The following SORBS2 variants were observed in gnomAD, a reference collection of about 807,000 sequenced individuals.
SORBS2 encodes the protein sorbin and SH3 domain containing 2.
Under a neutral mutation model 97.7 loss-of-function variants are expected in SORBS2, and 46 were observed. The observed-to-expected ratio is 0.47, with a 90% CI of 0.37 to 0.60. The LOEUF (loss-of-function observed/expected upper bound fraction) is 0.60, where lower values mean the gene tolerates loss of function less well. Among genes scored for constraint, SORBS2 ranks in the 20% least tolerant of loss-of-function variants. SORBS2 has a pLI of 0.00. For missense variants in SORBS2, 1,316 were observed against 1,282.3 expected, an observed-to-expected ratio of 1.03 and a Z score of -0.40; for synonymous variants, 476 against 473.4, an observed-to-expected ratio of 1.01 and a Z score of -0.07.
At chr4:185,653,132 C>G (rs1177613839) in intron 1 of SORBS2, among the ~76,000 whole-genome samples, 1 of 152,172 alleles carries the variant, frequency 6.6e-6, no homozygotes, top group Non-Finnish European at 1.5e-5. Context: ...TTCTGTAAGA[C>G]AGTGTTTTCA....
chr4:185,740,949 C>T (rs763608659), intron 2 of SORBS2, among the ~76,000 whole-genome samples: 1 of 151,776 alleles, frequency 6.6e-6, no homozygotes, highest in East Asian at 1.9e-4. Context: ...ACAAACTCAG[C>T]CCAGCACCAA....
chr4:185,603,623 G>C (rs1054790678), intron 12 of SORBS2, among the ~76,000 whole-genome samples: 1 of 152,134 alleles, frequency 6.6e-6, no homozygotes, highest in Admixed American at 6.5e-5. Flanking sequence ...GAATGTGAGG[G>C]TGAGCTATTG....
At chr4:185,848,228 T>C (rs1219245878) in intron 1 of SORBS2, among the ~76,000 whole-genome samples, 1 of 152,164 alleles carries the variant, frequency 6.6e-6, no homozygotes, top group Non-Finnish European at 1.5e-5. Flanking sequence ...GTGGTCCCCA[T>C]GATGATTCTG....
At chr4:185,746,118 A>G (rs72703804) in intron 2 of SORBS2, among the ~76,000 whole-genome samples, 2,204 of 152,274 alleles carry the variant, frequency 0.014, 29 homozygotes, top group Non-Finnish European at 0.024. Flanking sequence ...ACAGGAGACA[A>G]TGTTTTCTCT....
At chr4:185,953,350 T>C (rs1202852454) in intron 1 of SORBS2, among the ~76,000 whole-genome samples, 1 of 152,148 alleles carries the variant, frequency 6.6e-6, no homozygotes, top group Non-Finnish European at 1.5e-5. Context: ...ATAATATGTT[T>C]CCCAGACTCC....
intron 4 of SORBS2, 57 bp downstream of exon 15, chr4:185,638,022 T>C (rs2097052887): frequency 9.4e-7 from 1 of 1,064,218 alleles, no homozygotes. Context: ...AATTGTATTT[T>C]AGAAATCAAA....
At chr4:185,767,322 A>G (rs1243447302) in intron 2 of SORBS2, among the ~76,000 whole-genome samples, 3 of 145,268 alleles carry the variant, frequency 2.1e-5, no homozygotes, top group Non-Finnish European at 4.6e-5. Context: ...CACACGGTGA[A>G]ACCCCGTCTC....
chr4:185,674,114 G>A (rs890171321), intron 4 of SORBS2, among the ~76,000 whole-genome samples: 1 of 152,092 alleles, frequency 6.6e-6, no homozygotes, highest in African/African-American at 2.4e-5. Flanking sequence ...CCTCCAACCA[G>A]GACCTTTCCC....
At chr4:185,729,954 CT>C (rs1156461696) in intron 2 of SORBS2, among the ~76,000 whole-genome samples, 5 of 151,808 alleles carry the variant, frequency 3.3e-5, no homozygotes, top group African/African-American at 1.2e-4. Flanking sequence ...TTTACATTTT[CT>C]TTTTTCTTTT....
chr4:185,935,933 C>A (rs2099268722), intron 1 of SORBS2, among the ~76,000 whole-genome samples: 1 of 152,180 alleles, frequency 6.6e-6, no homozygotes, highest in Admixed American at 6.5e-5. Flanking sequence ...CTCACTGCAG[C>A]CTCTTTCTCC....
At chr4:185,768,450 G>A (rs1390448584) in intron 2 of SORBS2, among the ~76,000 whole-genome samples, 1 of 152,062 alleles carries the variant, frequency 6.6e-6, no homozygotes, top group Non-Finnish European at 1.5e-5. Flanking sequence ...CCAGCATCTT[G>A]GAAGGCCGAG....
At chr4:185,826,112 G>A (rs550468052) in intron 1 of SORBS2, among the ~76,000 whole-genome samples, 56 of 152,232 alleles carry the variant, frequency 3.7e-4, no homozygotes, top group African/African-American at 1.3e-3. Flanking sequence ...TTTAATCAGC[G>A]ACACCTCATG....
At chr4:185,638,935 G>T in intron 4 of SORBS2, 1 of 1,510,462 alleles carries the variant, frequency 6.6e-7, no homozygotes. Context: ...ACTCCGGGGC[G>T]GAGGGGAGGG....
intron 2 of SORBS2, chr4:185,771,470 A>AATC (rs968010187): frequency 2.6e-5 from 4 of 152,308 alleles, no homozygotes; most frequent in African/African-American, 9.6e-5. Context: ...GGGGCTATCA[A>AATC]ATCACATATG....
chr4:185,615,124 A>T, exon 10 of SORBS2: 1 of 1,613,292 alleles, frequency 6.2e-7, no homozygotes, highest in African/African-American at 1.3e-5. Flanking sequence ...TTTCCTGAGG[A>T]TGTAGACAGT....
At chr4:185,744,879 T>C (rs966291827) in intron 2 of SORBS2, among the ~76,000 whole-genome samples, 1 of 152,210 alleles carries the variant, frequency 6.6e-6, no homozygotes, top group Admixed American at 6.5e-5. Flanking sequence ...GAAGACCCTC[T>C]GGCAAAGGCA....
rs2099153884 is a variant in SORBS2 at position 185,806,434 on chromosome 4, C to CTGTTTTTTTTTT, written c.-337-31069_-337-31068insAAAAAAAAAACA. On this transcript the variant is annotated intron_variant, in intron 1 of 20. Transcript: ENST00000284776. ...AGTGGCACAGCTCTTGGCTAGAATC[C>CTGTTTTTTTTTT]TATTTTTTTTTTTTTTTTTTTTTTT... Among the ~76,000 whole-genome samples, 58 of 108,148 alleles carry CTGTTTTTTTTTT rather than the reference C, an allele frequency of 5.4e-4. 26 individuals are homozygous for CTGTTTTTTTTTT. The highest frequency in any genetic ancestry group is 1.6e-3 in the African/African-American group (45 of 27,294). 70.9% of individuals were successfully genotyped at this position (108,148 alleles called of 152,430 possible).
intron 1 of SORBS2, among the ~76,000 whole-genome samples, chr4:185,792,345 T>C (rs563318609): frequency 3.3e-5 from 5 of 152,038 alleles, no homozygotes; most frequent in Admixed American, 6.5e-5. Flanking sequence ...AATACAAAAA[T>C]TAGCTGGGTG....
intron 4 of SORBS2, among the ~76,000 whole-genome samples, chr4:185,663,018 CAGAGT>C (rs2097543008): frequency 6.6e-6 from 1 of 152,168 alleles, no homozygotes; most frequent in African/African-American, 2.4e-5. Context: ...GTGCTGATGA[CAGAGT>C]AGATGTTCAA....
Sources: gnomAD v4.1 joint callset for allele counts (sites outside exome capture counted in the v4.1 genomes callset) on GRCh38, gnomAD v4.1.1 for gene constraint, MANE v1.5 for transcripts, NCBI Gene and HGNC (gene_info 2026-07-23, HGNC 2026-07-21) for gene names.